The following HSPG2 variants were observed in gnomAD, a reference collection of about 807,000 sequenced individuals.
HSPG2 encodes the protein basement membrane-specific heparan sulfate proteoglycan core protein.
A neutral mutation model predicts 526.6 loss-of-function variants in HSPG2; 278 were observed. The ratio of observed to expected loss-of-function variants is 0.53; its 90% CI spans 0.48 to 0.58. The LOEUF (loss-of-function observed/expected upper bound fraction) is 0.58. Among genes scored for constraint, HSPG2 ranks in the 20% least tolerant of loss-of-function variants. The pLI is 0.00. For synonymous variants in HSPG2, 2,465 were observed against 2,555.4 expected (o/e 0.96, Z 1.07); for missense variants, 5,354 against 6,099.5 (o/e 0.88, Z 4.07).
At chr1:21,878,847 G>C in intron 18 of HSPG2, 147 bp downstream of exon 18, 1 of 1,215,166 alleles carries the variant, frequency 8.2e-7, no homozygotes, top group Non-Finnish European at 1.2e-6. Flanking sequence ...AAAGGAAACA[G>C]AGGCCTAGAG....
intron 1 of HSPG2, among the ~76,000 whole-genome samples, chr1:21,908,927 T>C (rs1175487538): frequency 6.6e-5 from 10 of 152,128 alleles, no homozygotes; most frequent in Admixed American, 5.9e-4. Flanking sequence ...ACCAACATGG[T>C]GAAACCCCGT....
chr1:21,840,996 T>C (rs2098046114), intron 71 of HSPG2, 105 bp downstream of exon 71: 1 of 993,596 alleles, frequency 1.0e-6, no homozygotes, highest in Non-Finnish European at 1.5e-6. Context: ...CCTCTCTCCA[T>C]CCACTCATCA....
intron 64 of HSPG2, 68 bp from the exon 65 acceptor site, chr1:21,844,367 C>T (rs1638255094): frequency 4.6e-6 from 7 of 1,530,930 alleles, no homozygotes; most frequent in Middle Eastern, 2.0e-4. Context: ...TCCCCTGGGG[C>T]CCAGATACTA....
chr1:21,906,131 G>C (rs1643365904), intron 1 of HSPG2, among the ~76,000 whole-genome samples: 1 of 152,220 alleles, frequency 6.6e-6, no homozygotes, highest in South Asian at 2.1e-4. Context: ...TAAGACCCCT[G>C]GCTCCACACC....
In HSPG2 at chr1:21,904,328, G is replaced by A. The variant is rs896302140; in HGVS notation, c.64-8018C>T. 4.6e-4 allele frequency among the ~76,000 whole-genome samples: 70 copies of A among 152,320 alleles called. No homozygotes were observed. The highest frequency in any genetic ancestry group is 1.6e-3 in the African/African-American group (67 of 41,572). On this transcript the variant is annotated intron_variant, in intron 1 of 96. Coordinates refer to ENST00000374695, the MANE Select transcript of HSPG2 (RefSeq NM_005529.7). The surrounding 1 kb of genome is among the most constrained non-coding windows in gnomAD (Gnocchi z 4.4). Reference sequence around the variant, plus strand: ...GGGGAAGAGTGCGGACCAGGTGGAGGGAAGGGCACACGCTGAGGCCAGGGC... The same window carrying A: ...GGGGAAGAGTGCGGACCAGGTGGAGAGAAGGGCACACGCTGAGGCCAGGGC...
At chr1:21,933,316 C>T (rs1276452825) in intron 1 of HSPG2, among the ~76,000 whole-genome samples, 5 of 151,944 alleles carry the variant, frequency 3.3e-5, no homozygotes, top group African/African-American at 7.3e-5. Context: ...TGCAGGGCCT[C>T]GTAGGCTATA....
rs369276293 is a variant in HSPG2 at position 21,828,773 on chromosome 1, C to T, written c.12237+62G>A. The T allele has an allele frequency of 1.4e-5, 21 of 1,547,694 alleles. No homozygotes were observed. In the East Asian group the frequency reaches 1.5e-4, roughly 11 times the overall value. ...CCCAATGCCAAGGTGCTTGGAGAGC[C>T]GAGGGGGACACAAGGCTTGGCACCC... On this transcript the variant is annotated intron_variant, in intron 88 of 96. Coordinates refer to ENST00000374695, the MANE Select transcript of HSPG2 (RefSeq NM_005529.7). The surrounding 1 kb of genome is among the most constrained non-coding windows in gnomAD (Gnocchi z 6.0).
chr1:21,822,545 G>C lies in HSPG2; in HGVS notation c.*771C>G. The C allele has an allele frequency of 2.6e-6, 1 of 380,624 alleles. No homozygotes were observed. The highest frequency in any genetic ancestry group is 5.0e-6 in the Non-Finnish European group (1 of 201,236). 23.6% of individuals were successfully genotyped at this position (380,624 alleles called of 1,614,324 possible). On this transcript the variant is annotated 3_prime_UTR_variant, in exon 97 of 97. Transcript: ENST00000374695. ...CTGGGCCTTCACTTCCAGATGGGTG[G>C]GGATGTGGCCTGGGGTGGGCGGGGC...
chr1:21,872,188 T>C lies in HSPG2; in HGVS notation c.4219A>G (p.Lys1407Glu), dbSNP rs895235559. 9 of 1,551,578 alleles carry C rather than the reference T, an allele frequency of 5.8e-6. No homozygotes were observed. In the African/African-American group the frequency reaches 1.1e-4, roughly 19 times the overall value. Residue 1407 changes from lysine (K) to glutamate (E), a missense_variant and splice_region_variant, in exon 33 of 97, where the codon AAG (lysine) becomes GAG (glutamate). Physicochemically the swap from Lys to Glu is moderately conservative, Grantham distance 56. Coordinates refer to ENST00000374695, the MANE Select transcript of HSPG2 (RefSeq NM_005529.7). This position sits in a 1 kb window ranked among gnomAD's most constrained non-coding sequence, Gnocchi z 5.5. ...WQLPETYQGD[K>E]VAAYGGKLRY... ...CCTGGTGCTTGGCTGGGGCCCACCT[T>C]GTCTCCCTGGTATGTCTCCGGCAGC...
At position 21,851,926 on chromosome 1, in the gene HSPG2, C is replaced by G; in HGVS notation, c.6871G>C (p.Val2291Leu). The part of the protein sequence containing the change: ...RGGSLPARHQ[V>L]RGSRLYIFQA... ...AAGATGTACAGGCGGGAGCCACGAA[C>G]CTGGGCAGCCGTGGGCAGAGGTGTG... Residue 2291 changes from valine (V) to leucine (L), a missense_variant and splice_region_variant, in exon 54 of 97, where the codon GTT becomes CTT. Val to Leu is a conservative substitution (Grantham distance 32). Transcript: ENST00000374695. 2.5e-6 allele frequency: 4 copies of G among 1,602,044 alleles called. No individual in the cohort carries two copies. The highest frequency in any genetic ancestry group is 3.4e-6 in the Non-Finnish European group (4 of 1,174,824).
chr1:21,861,681 A>G, intron 39 of HSPG2, 76 bp downstream of exon 39: 1 of 1,340,172 alleles, frequency 7.5e-7, no homozygotes, highest in South Asian at 1.2e-5. Flanking sequence ...TTTTCTGAGC[A>G]ACACCCTTTA....
chr1:21,880,005 A>C, intron 17 of HSPG2, 102 bp downstream of exon 17: 1 of 1,366,800 alleles, frequency 7.3e-7, no homozygotes, highest in South Asian at 1.2e-5. Context: ...GGCAGTCATG[A>C]CAGTCATTCT....
chr1:21,924,275 G>A (rs1409074242), intron 1 of HSPG2, among the ~76,000 whole-genome samples: 1 of 152,230 alleles, frequency 6.6e-6, no homozygotes, highest in Non-Finnish European at 1.5e-5. Flanking sequence ...GAAGAAATTG[G>A]AGGCATGGTC....
chr1:21,917,546 TAAG>T (rs913299915), intron 1 of HSPG2, among the ~76,000 whole-genome samples: 40 of 152,300 alleles, frequency 2.6e-4, no homozygotes, highest in African/African-American at 8.9e-4. Context: ...GCCATGTCTT[TAAG>T]AACACTGAGA....
Position 21,887,505 on chromosome 1 carries a change from T to A in HSPG2, c.873A>T (p.Ala291=). 1.2e-6 allele frequency: 2 copies of A among 1,613,988 alleles called. No individual in the cohort carries two copies. The highest frequency in any genetic ancestry group is 8.5e-7 in the Non-Finnish European group (1 of 1,179,978). ...TGGGGATGCAGTGCCCATTGCGGCA[T>A]GCGGCCTCCTGGGGCCCACAGGGCA... ...RPLPCGPQEA[A]CRNGHCIPRD... Residue 291 remains alanine, a synonymous_variant, in exon 8 of 97, where the codon GCA becomes GCT. Transcript: ENST00000374695. This position sits in a 1 kb window ranked among gnomAD's most constrained non-coding sequence, Gnocchi z 5.0.
chr1:21,889,574 T>G (rs919524713), intron 6 of HSPG2, among the ~76,000 whole-genome samples: 1 of 150,556 alleles, frequency 6.6e-6, no homozygotes, highest in African/African-American at 2.5e-5. Flanking sequence ...CCCTCGTCTC[T>G]GAAACAGGAG....
chr1:21,870,712 TG>T, intron 33 of HSPG2: 3 of 498,754 alleles, frequency 6.0e-6, no homozygotes, highest in Non-Finnish European at 7.8e-6. Flanking sequence ...GGACACCGCC[TG>T]GATTCATGCA....
intron 50 of HSPG2, chr1:21,853,879 G>A (rs1195914433): frequency 4.8e-6 from 2 of 415,024 alleles, no homozygotes; most frequent in South Asian, 2.6e-5. Context: ...AAAGTTAAAA[G>A]CTAGTTCAAG....
Position 21,832,488 on chromosome 1 carries a change from G to A in HSPG2, c.11207+7C>T. On this transcript the variant is annotated splice_region_variant and intron_variant, in intron 81 of 96. Coordinates refer to ENST00000374695, the MANE Select transcript of HSPG2 (RefSeq NM_005529.7). ...CCCCCTGTAGGTGGGGAGGCTGGGG[G>A]TCTCACCGGAACTCGGGCCTTCCCC... The A allele has an allele frequency of 6.2e-7, 1 of 1,611,202 alleles. No individual in the cohort carries two copies. The highest frequency in any genetic ancestry group is 8.5e-7 in the Non-Finnish European group (1 of 1,177,292).
Sources: allele counts gnomAD v4.1 joint callset (sites outside exome capture counted in the v4.1 genomes callset), GRCh38; gene constraint gnomAD v4.1.1; non-coding constraint Gnocchi (gnomAD v3.1); transcripts MANE v1.5; gene names NCBI Gene and HGNC (gene_info 2026-07-23, HGNC 2026-07-21).